ZNF704: variants seen among roughly 807,000 people sequenced by gnomAD.
The protein encoded by ZNF704 is zinc finger protein 704.
ZNF704 carries 10 observed loss-of-function variants against 44.7 expected under a neutral mutation model. The ratio of observed to expected loss-of-function variants is 0.22; its 90% confidence interval spans 0.14 to 0.38. The LOEUF is 0.38. Among genes scored for constraint, ZNF704 ranks in the 10% least tolerant of loss-of-function variants. The pLI is 1.00. For synonymous variants in ZNF704, 211 were observed against 207.6 expected (o/e 1.02, Z -0.14); for missense variants, 390 against 545.5 (o/e 0.71, Z 2.84).
intron 1 of ZNF704, among the ~76,000 whole-genome samples, chr8:80,828,781 G>A (rs1237172896): frequency 1.3e-5 from 2 of 152,164 alleles, no homozygotes; most frequent in African/African-American, 2.4e-5. Context: ...GAAATTCTCA[G>A]ACTAAAGGAA....
intron 5 of ZNF704, 74 bp downstream of exon 5, chr8:80,670,429 G>A: frequency 9.4e-7 from 1 of 1,066,630 alleles, no homozygotes; most frequent in Non-Finnish European, 1.4e-6. Flanking sequence ...ACAGTGTGGT[G>A]TGCAATTTCT....
rs184483619 is a variant in ZNF704 at position 80,670,349 on chromosome 8, T to G, written c.659+154A>C. On this transcript the variant is annotated intron_variant, in intron 5 of 8. Coordinates refer to ENST00000327835, the MANE Select transcript of ZNF704 (RefSeq NM_001033723.3). Reference sequence around the variant, plus strand: ...TTCCACTGTGCCATATTGGCTTAGATGATCTGCAGTGGCCATCTCTCTAGA... The same window carrying G: ...TTCCACTGTGCCATATTGGCTTAGAGGATCTGCAGTGGCCATCTCTCTAGA... Among the ~76,000 whole-genome samples the G allele has an allele frequency of 1.1e-4, 16 of 152,334 alleles. No individual in the cohort carries two copies. In the East Asian group the frequency reaches 2.7e-3, roughly 26 times the overall value.
chr8:80,786,195 C>T (rs930661862), intron 2 of ZNF704, among the ~76,000 whole-genome samples: 6 of 152,210 alleles, frequency 3.9e-5, no homozygotes, highest in African/African-American at 9.6e-5. Context: ...CCTGGGAGGC[C>T]GCGGTTGTAG....
intron 2 of ZNF704, among the ~76,000 whole-genome samples, chr8:80,793,705 T>C (rs575852985): frequency 2.0e-5 from 3 of 152,228 alleles, no homozygotes; most frequent in East Asian, 3.9e-4. Context: ...TATTTCATTA[T>C]AATAAAAACA....
At chr8:80,757,672 C>T (rs750823579) in intron 2 of ZNF704, among the ~76,000 whole-genome samples, 4 of 152,170 alleles carry the variant, frequency 2.6e-5, no homozygotes, top group Middle Eastern at 3.2e-3. Context: ...GCAAGCTCCA[C>T]TCATGGTAAA....
At chr8:80,670,737 A>T in intron 4 of ZNF704, 134 bp from the exon 5 acceptor site, 2 of 639,174 alleles carry the variant, frequency 3.1e-6, no homozygotes, top group Non-Finnish European at 2.8e-6. Context: ...AACTCAGCAC[A>T]CTATTGTAGG....
At position 80,659,646 on chromosome 8, in the gene ZNF704, G is replaced by C. The variant is rs747062324; in HGVS notation, c.971C>G (p.Pro324Arg). 2.5e-6 allele frequency: 4 copies of C among 1,613,988 alleles called. No homozygotes were observed. Among genetic ancestry groups the C allele is most frequent in the African/African-American group, 2.7e-5 (2 of 75,030 alleles). ...GGAAATGCTGAAGCTGCTGCCATTG[G>C]GGGTGAACTTGGCCGATCCTGGAAT... ...VTIPGSAKFT[P>R]NGSSFSISWQ... Residue 324 changes from proline (P) to arginine (R), a missense_variant, in exon 7 of 9, where the codon CCC (proline) becomes CGC (arginine). This residue lies in a region of ZNF704 where 305 missense variants were observed against 435.7 expected (regional missense o/e 0.70). Coordinates refer to ENST00000327835, the MANE Select transcript of ZNF704 (RefSeq NM_001033723.3).
intron 1 of ZNF704, among the ~76,000 whole-genome samples, chr8:80,831,856 G>A (rs1228014808): frequency 6.6e-6 from 1 of 152,192 alleles, no homozygotes; most frequent in Non-Finnish European, 1.5e-5. Flanking sequence ...TGATGCTGAT[G>A]TTCAGATTAA....
rs1232786528 is a variant in ZNF704, at chr8:80,849,704, T to C, written c.-22+24867A>G. Among the ~76,000 whole-genome samples the C allele has an allele frequency of 2.6e-5, 4 of 152,228 alleles. No individual in the cohort carries two copies. The East Asian group carries it at 7.7e-4, about 29-fold the overall frequency. On this transcript the variant is annotated intron_variant, in intron 1 of 8. Transcript: ENST00000327835. ...AGTTCCAGTAAGAAAGAATATCATT[T>C]GGATTCTGGCAAGGGTGATGGATTT...
At chr8:80,753,507 A>G (rs1563541651) in intron 2 of ZNF704, among the ~76,000 whole-genome samples, 1 of 152,064 alleles carries the variant, frequency 6.6e-6, no homozygotes, top group African/African-American at 2.4e-5. Context: ...CTGAGCCCAA[A>G]CAACAAAAGT....
intron 2 of ZNF704, among the ~76,000 whole-genome samples, chr8:80,748,041 G>A (rs1028483734): frequency 1.3e-5 from 2 of 152,096 alleles, no homozygotes; most frequent in African/African-American, 4.8e-5. Flanking sequence ...TTTCCTCTTG[G>A]GAAGTTGCAA....
chr8:80,812,623 T>G (rs1308508570), intron 2 of ZNF704: 2 of 152,408 alleles, frequency 1.3e-5, no homozygotes, highest in African/African-American at 4.8e-5. Flanking sequence ...TCCTGTTTAG[T>G]TATTTTTCCT....
chr8:80,708,687 C>T lies in ZNF704; in HGVS notation c.222-15580G>A, dbSNP rs144763577. ...TACTTGTGTAGCAGCAGTTTATAGG[C>T]GCACTTACTGTAATAGCATGTTGAT... On this transcript the variant is annotated intron_variant, in intron 2 of 8. Coordinates refer to ENST00000327835, the MANE Select transcript of ZNF704 (RefSeq NM_001033723.3). Among the ~76,000 whole-genome samples, 680 of 152,266 alleles carry T rather than the reference C, an allele frequency of 4.5e-3. 5 individuals carry two copies. Among genetic ancestry groups the T allele is most frequent in the African/African-American group, 0.015 (619 of 41,554 alleles).
chr8:80,851,749 T>C (rs1281649907), intron 1 of ZNF704, among the ~76,000 whole-genome samples: 1 of 151,978 alleles, frequency 6.6e-6, no homozygotes, highest in African/African-American at 2.4e-5. Flanking sequence ...AAAAAAGAAA[T>C]AAAGTGTTAT....
chr8:80,879,951 T>G, the ZNF704 span, among the ~76,000 whole-genome samples: 424 of 152,334 alleles, frequency 2.8e-3, 6 homozygotes, highest in Admixed American at 0.025. Flanking sequence ...GAGGAATTTA[T>G]CAGCTTGGGT....
At chr8:80,748,009 A>G (rs1806876287) in intron 2 of ZNF704, among the ~76,000 whole-genome samples, 1 of 152,164 alleles carries the variant, frequency 6.6e-6, no homozygotes, top group Non-Finnish European at 1.5e-5. Context: ...GCCACCATGA[A>G]AAAATGTTTA....
rs1817661733 is a variant in ZNF704 at position 80,636,256 on chromosome 8, C to T, written c.*5110G>A. 1 of 152,112 alleles carries T rather than the reference C, an allele frequency of 6.6e-6. No homozygotes were observed. The highest frequency in any genetic ancestry group is 2.1e-4 in the South Asian group (1 of 4,832). The allele number at this position is 152,112 out of a possible 1,614,324, so 9.4% of individuals were successfully genotyped here. ...ACCATTGTGATTCTCAGACCCACAA[C>T]AAAAGTTATAAAACATGAGATTGTC... is the stretch of plus-strand genomic sequence containing the variant. On this transcript the variant is annotated 3_prime_UTR_variant, in exon 9 of 9. Coordinates refer to ENST00000327835, the MANE Select transcript of ZNF704 (RefSeq NM_001033723.3).
At chr8:80,674,949 CTTT>C (rs1396150184) in intron 4 of ZNF704, among the ~76,000 whole-genome samples, 1 of 152,220 alleles carries the variant, frequency 6.6e-6, no homozygotes, top group Non-Finnish European at 1.5e-5. Context: ...GATGAAAACA[CTTT>C]TTGATTCATT....
intron 2 of ZNF704, among the ~76,000 whole-genome samples, chr8:80,769,767 T>C (rs1189255714): frequency 6.6e-6 from 1 of 152,214 alleles, no homozygotes; most frequent in Non-Finnish European, 1.5e-5. Flanking sequence ...TTCCAAACTG[T>C]TCCAACCTCT....
Sources: gnomAD v4.1 joint callset for allele counts (sites outside exome capture counted in the v4.1 genomes callset) on GRCh38, gnomAD v4.1.1 for gene constraint, gnomAD v4.1.1 regional missense constraint, MANE v1.5 for transcripts, NCBI Gene and HGNC (gene_info 2026-07-23, HGNC 2026-07-21) for gene names.